CEMIP: variants seen among roughly 807,000 people sequenced by gnomAD.
CEMIP encodes cell migration inducing hyaluronidase 1, also known as cell migration-inducing and hyaluronan-binding protein.
A neutral mutation model predicts 156.9 loss-of-function variants in CEMIP; 105 were observed. The observed-to-expected ratio is 0.67, with a 90% confidence interval of 0.57 to 0.79. CEMIP has a LOEUF of 0.79. CEMIP is among the 30% of genes least tolerant of loss of function. CEMIP has a pLI of 0.00. For synonymous variants in CEMIP, 676 were observed against 668.4 expected, an observed-to-expected ratio of 1.01 and a Z score of -0.17; for missense variants, 1,457 against 1,769.4, an observed-to-expected ratio of 0.82 and a Z score of 3.17.
chr15:80,802,044 A>C (rs1218317438), intron 1 of CEMIP, among the ~76,000 whole-genome samples: 2 of 152,200 alleles, frequency 1.3e-5, no homozygotes, highest in African/African-American at 2.4e-5. Flanking sequence ...CCTGGAACTA[A>C]TGTGCAGATG....
chr15:80,927,099 G>T (rs1412413476), intron 19 of CEMIP, among the ~76,000 whole-genome samples: 1 of 152,248 alleles, frequency 6.6e-6, no homozygotes, highest in African/African-American at 2.4e-5. Flanking sequence ...AAAGTGCTGG[G>T]ATTACAGGCG....
chr15:80,884,060 C>A, intron 6 of CEMIP, 115 bp from the exon 7 acceptor site: 3 of 1,031,690 alleles, frequency 2.9e-6, no homozygotes, highest in Non-Finnish European at 4.5e-6. Flanking sequence ...TTAAGAATCA[C>A]AGCCCTGGGA....
At position 80,790,879 on chromosome 15, in the gene CEMIP, G is replaced by A. The variant is rs149176542; in HGVS notation, c.-176+11265G>A. Among the ~76,000 whole-genome samples, 159 of 152,260 alleles carry A rather than the reference G, an allele frequency of 1.0e-3. 1 individual carries two copies. The Middle Eastern group carries it at 0.017, about 16-fold the overall frequency. ...CAATGGAAAAGCTCACAGTTTAGTT[G>A]AGGAGACAGACATACATTCAACTAC... On this transcript the variant is annotated intron_variant, in intron 1 of 29. Coordinates refer to ENST00000394685, the MANE Select transcript of CEMIP (RefSeq NM_001293298.2).
At chr15:80,816,729 G>A (rs1375000546) in intron 1 of CEMIP, among the ~76,000 whole-genome samples, 2 of 152,114 alleles carry the variant, frequency 1.3e-5, no homozygotes, top group Admixed American at 6.5e-5. Flanking sequence ...GTCTCAGGAC[G>A]GGCACTGGGA....
chr15:80,807,755 C>A (rs540993468), intron 1 of CEMIP, among the ~76,000 whole-genome samples: 1 of 152,238 alleles, frequency 6.6e-6, no homozygotes, highest in African/African-American at 2.4e-5. Context: ...CATTTAAAAC[C>A]TTTTCTTTCC....
intron 1 of CEMIP, among the ~76,000 whole-genome samples, chr15:80,861,724 G>C (rs761436600): frequency 1.3e-5 from 2 of 152,186 alleles, no homozygotes; most frequent in African/African-American, 4.8e-5. Flanking sequence ...CAGAAGAAAC[G>C]CCAAGCCAAC....
chr15:80,879,912 T>C, intron 5 of CEMIP, 58 bp downstream of exon 5: 1 of 1,604,362 alleles, frequency 6.2e-7, no homozygotes, highest in Non-Finnish European at 8.5e-7. Context: ...AGAGGGAGAC[T>C]TTCCAAGACA....
At chr15:80,810,855 C>T (rs1318702866) in intron 1 of CEMIP, among the ~76,000 whole-genome samples, 1 of 152,096 alleles carries the variant, frequency 6.6e-6, no homozygotes, top group Non-Finnish European at 1.5e-5. Flanking sequence ...CAACCAGCCA[C>T]TCTCACATTC....
At chr15:80,944,204 C>G (rs1182680011) in intron 28 of CEMIP, among the ~76,000 whole-genome samples, 1 of 152,164 alleles carries the variant, frequency 6.6e-6, no homozygotes, top group Non-Finnish European at 1.5e-5. Flanking sequence ...CGCTTGAACC[C>G]AGGAGGCGGA....
intron 1 of CEMIP, among the ~76,000 whole-genome samples, chr15:80,826,902 A>G (rs1200609816): frequency 6.6e-6 from 1 of 152,192 alleles, no homozygotes; most frequent in Non-Finnish European, 1.5e-5. Flanking sequence ...TGTTTAGCAT[A>G]ACATCCTCAT....
intron 1 of CEMIP, among the ~76,000 whole-genome samples, chr15:80,858,743 A>C (rs1487162228): frequency 2.0e-5 from 3 of 152,164 alleles, no homozygotes; most frequent in East Asian, 3.8e-4. Flanking sequence ...AAAGAAAAAA[A>C]GAACTAATCT....
intron 1 of CEMIP, among the ~76,000 whole-genome samples, chr15:80,796,314 T>C (rs2141591128): frequency 6.6e-6 from 1 of 152,316 alleles, no homozygotes; most frequent in Non-Finnish European, 1.5e-5. Flanking sequence ...TAGCTTCTCT[T>C]TGTGGATTAC....
chr15:80,829,087 C>G (rs919641274), intron 1 of CEMIP, among the ~76,000 whole-genome samples: 1 of 152,222 alleles, frequency 6.6e-6, no homozygotes, highest in Non-Finnish European at 1.5e-5. Context: ...ATTCCCAAAC[C>G]CACCTGACAG....
intron 1 of CEMIP, among the ~76,000 whole-genome samples, chr15:80,847,795 G>T (rs1393566907): frequency 6.6e-6 from 1 of 152,248 alleles, no homozygotes; most frequent in Non-Finnish European, 1.5e-5. Context: ...AGGGCGCTGT[G>T]GGTGGCAGGA....
chr15:80,909,058 T>C (rs766402979), intron 13 of CEMIP, 39 bp from the exon 14 acceptor site: 3 of 1,595,510 alleles, frequency 1.9e-6, no homozygotes, highest in Non-Finnish European at 1.7e-6. Context: ...TCACAAAGCA[T>C]CTCATGGGCT....
At chr15:80,825,996 C>G (rs1289613061) in intron 1 of CEMIP, among the ~76,000 whole-genome samples, 1 of 152,148 alleles carries the variant, frequency 6.6e-6, no homozygotes, top group African/African-American at 2.4e-5. Flanking sequence ...TTAGACTCTC[C>G]CACCTACAAT....
At position 80,943,415 on chromosome 15, in the gene CEMIP, C is replaced by T. The variant is rs545351410; in HGVS notation, c.3857+313C>T. ...CTCATCCCCTCCCACACCTTCAATA[C>T]GATCCAAGTGCTGGTGGCTACTATC... On this transcript the variant is annotated intron_variant, in intron 28 of 29. Coordinates refer to ENST00000394685, the MANE Select transcript of CEMIP (RefSeq NM_001293298.2). Among the ~76,000 whole-genome samples, 30 of 152,356 alleles carry T rather than the reference C, an allele frequency of 2.0e-4. 1 individual carries two copies. In the South Asian group the frequency reaches 4.3e-3, roughly 22 times the overall value.
chr15:80,921,271 CA>C (rs1596192829), intron 16 of CEMIP, among the ~76,000 whole-genome samples, 170 bp downstream of exon 16: 1 of 151,842 alleles, frequency 6.6e-6, no homozygotes, highest in East Asian at 1.9e-4. Flanking sequence ...GGTGGTGGGG[CA>C]GGGGGCGTTC....
At chr15:80,886,531 T>C (rs780802815) in intron 7 of CEMIP, among the ~76,000 whole-genome samples, 6 of 152,144 alleles carry the variant, frequency 3.9e-5, no homozygotes, top group Non-Finnish European at 8.8e-5. Context: ...TGATAGCTTA[T>C]AGTAAGAGAG....
Sources: gnomAD v4.1 joint callset for allele counts (sites outside exome capture counted in the v4.1 genomes callset) on GRCh38, gnomAD v4.1.1 for gene constraint, MANE v1.5 for transcripts, NCBI Gene and HGNC (gene_info 2026-07-23, HGNC 2026-07-21) for gene names.